DPP6: variants seen among roughly 807,000 people sequenced by gnomAD.
DPP6 encodes the protein dipeptidyl peptidase like 6.
Under a neutral mutation model 122.6 loss-of-function variants are expected in DPP6, and 69 were observed. The ratio of observed to expected loss-of-function variants is 0.56; its 90% CI spans 0.46 to 0.69. The LOEUF (loss-of-function observed/expected upper bound fraction) is 0.69, where lower values mean the gene tolerates loss of function less well. DPP6 is among the 30% of genes least tolerant of loss of function. The probability of loss-of-function intolerance (pLI) is 0.00; values close to 1 mark genes in which losing one functional copy is unlikely to be tolerated. For synonymous variants in DPP6, 418 were observed against 433.1 expected (o/e 0.97, Z 0.43); for missense variants, 928 against 1,116.9 (o/e 0.83, Z 2.41).
intron 8 of DPP6, among the ~76,000 whole-genome samples, chr7:154,759,838 T>C (rs920050602): frequency 2.0e-5 from 3 of 152,192 alleles, no homozygotes; most frequent in Non-Finnish European, 4.4e-5. Context: ...AAAAGCTTTA[T>C]ATTAAAAGTC....
chr7:154,426,806 C>CT (rs982404687), intron 1 of DPP6, among the ~76,000 whole-genome samples: 3 of 118,776 alleles, frequency 2.5e-5, no homozygotes, highest in African/African-American at 9.0e-5. Flanking sequence ...GGTACTCTGC[C>CT]TTAAAAAAAA....
the DPP6 span, among the ~76,000 whole-genome samples, chr7:153,754,542 C>G: frequency 6.6e-6 from 1 of 150,996 alleles, no homozygotes; most frequent in Non-Finnish European, 1.5e-5. Flanking sequence ...ATATTTATTA[C>G]CGTAGTGGGT....
At chr7:154,590,337 CT>C (rs1327929298) in intron 5 of DPP6, among the ~76,000 whole-genome samples, 3 of 151,716 alleles carry the variant, frequency 2.0e-5, no homozygotes, top group African/African-American at 7.3e-5. Context: ...ACAACCTGGT[CT>C]TCTGAAACTT....
At chr7:154,353,572 C>A (rs1303979556) in intron 1 of DPP6, among the ~76,000 whole-genome samples, 2 of 152,066 alleles carry the variant, frequency 1.3e-5, no homozygotes, top group Non-Finnish European at 1.5e-5. Flanking sequence ...GTGGACAGGG[C>A]TTGTGATGAA....
the DPP6 span, among the ~76,000 whole-genome samples, chr7:153,762,034 T>A: frequency 1.3e-5 from 2 of 152,202 alleles, no homozygotes; most frequent in African/African-American, 2.4e-5. Context: ...CTCTTCTAGT[T>A]ACATGTCCTG....
chr7:154,510,746 T>C (rs1301919305), intron 3 of DPP6, among the ~76,000 whole-genome samples: 3 of 151,250 alleles, frequency 2.0e-5, no homozygotes, highest in African/African-American at 4.9e-5. Flanking sequence ...CCAGGTAATA[T>C]TGGAGCAAGT....
chr7:154,794,342 C>G, intron 11 of DPP6, 140 bp downstream of exon 11: 1 of 1,353,392 alleles, frequency 7.4e-7, no homozygotes, highest in Non-Finnish European at 9.6e-7. Flanking sequence ...GAGCCCGCGG[C>G]GCAGAGTCCC....
At chr7:154,087,934 G>A (rs755156738) in intron 1 of DPP6, among the ~76,000 whole-genome samples, 26 of 152,318 alleles carry the variant, frequency 1.7e-4, no homozygotes, top group Non-Finnish European at 3.5e-4. Flanking sequence ...GCACAGTGTT[G>A]GAAATTTCAT....
At chr7:154,745,617 A>G (rs1843002684) in intron 8 of DPP6, among the ~76,000 whole-genome samples, 1 of 152,220 alleles carries the variant, frequency 6.6e-6, no homozygotes, top group Non-Finnish European at 1.5e-5. Context: ...AGCCTGTGCA[A>G]GACACATGCA....
Position 154,073,815 on chromosome 7 carries a change from T to C in DPP6, c.243+20752T>C, listed in dbSNP as rs191078182. ...ATTTTTAAATAAATATGAAACCCCA[T>C]CTCTACTAAAAATACAAAAAATTAG... is the stretch of plus-strand genomic sequence containing the variant. On this transcript the variant is annotated intron_variant, in intron 1 of 25. Coordinates refer to ENST00000377770, the MANE Select transcript of DPP6 (RefSeq NM_130797.4). Among the ~76,000 whole-genome samples, 1,041 of 152,230 alleles carry C rather than the reference T, an allele frequency of 6.8e-3. 1 individual carries two copies. The highest frequency in any genetic ancestry group is 8.5e-3 in the Non-Finnish European group (576 of 68,032).
chr7:154,813,420 A>C (rs1587224014), intron 16 of DPP6, among the ~76,000 whole-genome samples: 1 of 152,080 alleles, frequency 6.6e-6, no homozygotes, highest in Admixed American at 6.6e-5. Flanking sequence ...AAACCCATAA[A>C]TTATTTTTCT....
At chr7:153,907,273 C>T (rs1406038546) in intron 1 of DPP6, among the ~76,000 whole-genome samples, 3 of 151,924 alleles carry the variant, frequency 2.0e-5, no homozygotes, top group African/African-American at 7.3e-5. Context: ...AGCATTTTTT[C>T]CTGTGTTTGT....
intron 6 of DPP6, among the ~76,000 whole-genome samples, chr7:154,662,315 G>A (rs1837762496): frequency 1.3e-5 from 2 of 151,654 alleles, no homozygotes; most frequent in Non-Finnish European, 2.9e-5. Flanking sequence ...TATAGTCATG[G>A]TGAATCACCA....
chr7:154,699,661 G>C (rs1462761046), intron 7 of DPP6, among the ~76,000 whole-genome samples: 1 of 152,216 alleles, frequency 6.6e-6, no homozygotes, highest in Non-Finnish European at 1.5e-5. Context: ...GTATGTCTGG[G>C]GTGGGGCCTG....
chr7:154,425,755 A>G (rs1333441335), intron 1 of DPP6, among the ~76,000 whole-genome samples: 2 of 151,416 alleles, frequency 1.3e-5, no homozygotes, highest in Non-Finnish European at 1.5e-5. Flanking sequence ...CAATCCTCCC[A>G]CCTCAGCCTC....
chr7:154,323,400 C>T (rs891001249), intron 1 of DPP6, among the ~76,000 whole-genome samples: 6 of 152,048 alleles, frequency 3.9e-5, no homozygotes, highest in African/African-American at 9.7e-5. Flanking sequence ...GCGAGTGTTC[C>T]GTTGACTGTG....
chr7:153,949,553 G>A (rs577448103), intron 1 of DPP6, among the ~76,000 whole-genome samples: 1 of 152,312 alleles, frequency 6.6e-6, no homozygotes, highest in East Asian at 1.9e-4. Flanking sequence ...GGGTAGGGTA[G>A]ACGTTCAAAG....
At chr7:154,742,061 A>G (rs1842843067) in intron 8 of DPP6, among the ~76,000 whole-genome samples, 1 of 152,214 alleles carries the variant, frequency 6.6e-6, no homozygotes, top group African/African-American at 2.4e-5. Context: ...TATGGATTGC[A>G]GTGCCCCACC....
intron 1 of DPP6, among the ~76,000 whole-genome samples, chr7:154,322,917 A>C (rs1808102193): frequency 6.6e-6 from 1 of 152,204 alleles, no homozygotes; most frequent in Non-Finnish European, 1.5e-5. Context: ...ATGAGCAAAA[A>C]TCAAATCAGG....
Sources: gnomAD v4.1 joint callset for allele counts (sites outside exome capture counted in the v4.1 genomes callset) on GRCh38, gnomAD v4.1.1 for gene constraint, MANE v1.5 for transcripts, NCBI Gene and HGNC (gene_info 2026-07-23, HGNC 2026-07-21) for gene names.